Variants in IFT80 observed in about 807,000 individuals in gnomAD.
The protein encoded by IFT80 is intraflagellar transport protein 80 homolog.
Under a neutral mutation model 107.9 loss-of-function variants are expected in IFT80, and 79 were observed. That is an observed-to-expected ratio of 0.73 (90% confidence interval 0.61 to 0.88). The LOEUF (loss-of-function observed/expected upper bound fraction) is 0.88. Ranked by LOEUF, IFT80 falls within the 40% of genes least tolerant of loss-of-function variation. IFT80 has a pLI of 0.00. For missense variants in IFT80, 797 were observed against 914.2 expected (o/e 0.87, Z 1.65); for synonymous variants, 299 against 300.9 (o/e 0.99, Z 0.07).
intron 8 of IFT80, among the ~76,000 whole-genome samples, chr3:160,326,576 C>T (rs554106335): frequency 6.6e-6 from 1 of 152,186 alleles, no homozygotes; most frequent in South Asian, 2.1e-4. Context: ...ACAAAAACCA[C>T]ACGATTATCT....
chr3:160,387,245 C>T (rs951891646), intron 1 of IFT80, among the ~76,000 whole-genome samples: 1 of 152,210 alleles, frequency 6.6e-6, no homozygotes, highest in Non-Finnish European at 1.5e-5. Flanking sequence ...GTGGCTCACG[C>T]CTGTAATCCC....
chr3:160,359,115 C>G (rs1721309114), intron 6 of IFT80, among the ~76,000 whole-genome samples: 1 of 152,114 alleles, frequency 6.6e-6, no homozygotes, highest in Non-Finnish European at 1.5e-5. Flanking sequence ...TGTTTTTATG[C>G]TCAAGAAGAA....
chr3:160,346,842 C>A (rs908285701), intron 8 of IFT80, among the ~76,000 whole-genome samples: 1 of 152,076 alleles, frequency 6.6e-6, no homozygotes. Context: ...GCTTTCACTC[C>A]TTGTTTGTTC....
intron 9 of IFT80, among the ~76,000 whole-genome samples, chr3:160,315,884 T>C (rs1344376978): frequency 1.3e-5 from 2 of 152,134 alleles, no homozygotes; most frequent in Admixed American, 6.6e-5. Flanking sequence ...AATAGCTGCA[T>C]GATAAAGTAG....
chr3:160,324,136 A>C (rs1233990261), intron 8 of IFT80, among the ~76,000 whole-genome samples: 3 of 152,218 alleles, frequency 2.0e-5, no homozygotes, highest in Admixed American at 6.6e-5. Context: ...GGCAATAATC[A>C]ATAGCTTACC....
chr3:160,381,327 C>A (rs955270133), intron 3 of IFT80, among the ~76,000 whole-genome samples, 176 bp downstream of exon 3: 6 of 147,792 alleles, frequency 4.1e-5, no homozygotes, highest in African/African-American at 1.5e-4. Context: ...TCTTCCATGA[C>A]AATAATTTCA....
Position 160,344,618 on chromosome 3 carries a change from G to A in IFT80, c.777+11395C>T, listed in dbSNP as rs144615097. Among the ~76,000 whole-genome samples, 202 of 152,232 alleles carry A rather than the reference G, an allele frequency of 1.3e-3. 1 individual carries two copies. Among genetic ancestry groups the A allele is most frequent in the African/African-American group, 4.6e-3 (190 of 41,556 alleles). ...GATCACATCAAGTTAAAAAGCTTCT[G>A]TACAGCAGAGGAGACAATCAACAAA... On this transcript the variant is annotated intron_variant, in intron 8 of 19. Transcript: ENST00000326448.
chr3:160,298,003 A>G (rs1716122016), intron 12 of IFT80, among the ~76,000 whole-genome samples: 1 of 152,166 alleles, frequency 6.6e-6, no homozygotes, highest in African/African-American at 2.4e-5. Context: ...ATTTGTTTCA[A>G]ATAATCACCA....
chr3:160,376,012 A>G (rs1470713679), intron 4 of IFT80, 132 bp from the exon 5 acceptor site: 1 of 630,154 alleles, frequency 1.6e-6, no homozygotes, highest in African/African-American at 1.9e-5. Context: ...AAATCATGGA[A>G]TATTACTACA....
rs569804588 is a variant in IFT80 at position 160,365,728 on chromosome 3, T to C, written c.549+315A>G. 3.3e-5 allele frequency among the ~76,000 whole-genome samples: 5 copies of C among 152,168 alleles called. No individual in the cohort carries two copies. The East Asian group carries it at 9.6e-4, about 29-fold the overall frequency. ...GATATTGAAGGCTGACATTCAACAA[T>C]ATTTTATAACTTGCCTAAGGTCATG... On this transcript the variant is annotated intron_variant, in intron 6 of 19. Coordinates refer to ENST00000326448, the MANE Select transcript of IFT80 (RefSeq NM_020800.3).
intron 9 of IFT80, among the ~76,000 whole-genome samples, chr3:160,315,941 T>C (rs1185621620): frequency 1.3e-5 from 2 of 152,140 alleles, no homozygotes; most frequent in Non-Finnish European, 2.9e-5. Context: ...TATGTATCCA[T>C]ATATATGAAT....
At chr3:160,390,948 T>C (rs986466359) in intron 1 of IFT80, among the ~76,000 whole-genome samples, 1 of 152,210 alleles carries the variant, frequency 6.6e-6, no homozygotes, top group Non-Finnish European at 1.5e-5. Context: ...GAAATGCCTA[T>C]CAGTATGCCA....
rs377529506 is a variant in IFT80, at chr3:160,353,793, C to CT, written c.777+2219dup. 2.4e-3 allele frequency among the ~76,000 whole-genome samples: 358 copies of CT among 152,114 alleles called. 4 individuals are homozygous for CT. The highest frequency in any genetic ancestry group is 8.0e-3 in the African/African-American group (331 of 41,518). ...GACTGTCAACAACTTGAGTAAAAGT[C>CT]TTTATATCTTTTTCTTATTTATACC... is the stretch of plus-strand genomic sequence containing the variant. On this transcript the variant is annotated intron_variant, in intron 8 of 19. Coordinates refer to ENST00000326448, the MANE Select transcript of IFT80 (RefSeq NM_020800.3).
At chr3:160,276,761 G>A (rs975027984) in intron 18 of IFT80, among the ~76,000 whole-genome samples, 5 of 152,040 alleles carry the variant, frequency 3.3e-5, no homozygotes, top group Admixed American at 2.0e-4. Flanking sequence ...CTGCCTGTCC[G>A]ACTGCTTTAT....
intron 8 of IFT80, among the ~76,000 whole-genome samples, chr3:160,331,192 C>T (rs1391519330): frequency 6.6e-6 from 1 of 152,092 alleles, no homozygotes; most frequent in Non-Finnish European, 1.5e-5. Flanking sequence ...GTTACTTGAA[C>T]GAACACAAGC....
At chr3:160,312,774 TATAA>T (rs1316469450) in intron 9 of IFT80, among the ~76,000 whole-genome samples, 85 of 30,760 alleles carry the variant, frequency 2.8e-3, no homozygotes, top group African/African-American at 7.9e-3. Context: ...GTATATTATA[TATAA>T]ATATATAATA....
intron 5 of IFT80, among the ~76,000 whole-genome samples, chr3:160,374,885 G>T (rs1333793322): frequency 6.6e-6 from 1 of 152,088 alleles, no homozygotes; most frequent in African/African-American, 2.4e-5. Context: ...TAAATATTCT[G>T]CCTTGAGATT....
At chr3:160,336,099 G>A (rs1215724596) in intron 8 of IFT80, among the ~76,000 whole-genome samples, 1 of 152,158 alleles carries the variant, frequency 6.6e-6, no homozygotes, top group Non-Finnish European at 1.5e-5. Flanking sequence ...TGGCTTTTAT[G>A]AATAATGTTG....
chr3:160,316,529 C>G (rs1431722377), intron 9 of IFT80, among the ~76,000 whole-genome samples: 2 of 152,146 alleles, frequency 1.3e-5, no homozygotes, highest in African/African-American at 4.8e-5. Context: ...GTAACTAACA[C>G]AGTACAGCTG....
Sources: allele counts gnomAD v4.1 joint callset (sites outside exome capture counted in the v4.1 genomes callset), GRCh38; gene constraint gnomAD v4.1.1; transcripts MANE v1.5; gene names NCBI Gene and HGNC (gene_info 2026-07-23, HGNC 2026-07-21).